The following RAB11FIP4 variants were observed in gnomAD, a reference collection of about 807,000 sequenced individuals.
RAB11FIP4 encodes rab11 family-interacting protein 4.
RAB11FIP4 carries 23 observed loss-of-function variants against 74.3 expected under a neutral mutation model. That is an observed-to-expected ratio of 0.31 (90% CI 0.22 to 0.44). The LOEUF (loss-of-function observed/expected upper bound fraction) is 0.44. RAB11FIP4 is among the 20% of genes least tolerant of loss of function. The pLI, the probability that RAB11FIP4 is intolerant of heterozygous loss-of-function variation, is 1.00. For missense variants in RAB11FIP4, 630 were observed against 863.9 expected, an observed-to-expected ratio of 0.73 and a Z score of 3.39; for synonymous variants, 360 against 359.9, an observed-to-expected ratio of 1.00 and a Z score of 0.00.
In RAB11FIP4 at chr17:31,520,380, T is replaced by C. The variant is rs555999060; in HGVS notation, c.564-786T>C. On this transcript the variant is annotated intron_variant, in intron 4 of 14. Transcript: ENST00000621161. ...AAAATTTTAGATCCATTTATATTCA[T>C]TTTCTGTATTACTCCGAATGTTTTT... is the stretch of plus-strand genomic sequence containing the variant. 7.5e-4 allele frequency among the ~76,000 whole-genome samples: 115 copies of C among 152,338 alleles called. 1 individual carries two copies. The highest frequency in any genetic ancestry group is 6.5e-4 in the Admixed American group (10 of 15,312).
Position 31,480,803 on chromosome 17 carries a change from A to C in RAB11FIP4, c.337-36848A>C, listed in dbSNP as rs562217082. 2.7e-5 allele frequency among the ~76,000 whole-genome samples: 4 copies of C among 149,492 alleles called. No individual in the cohort carries two copies. In the South Asian group the frequency reaches 8.4e-4, roughly 31 times the overall value. ...CTCCAGACTCCGTCTCAAAAAAAAA[A>C]AAAAAAAAAAAAAGAAAGAAAATAG... On this transcript the variant is annotated intron_variant, in intron 3 of 14. Transcript: ENST00000621161.
intron 3 of RAB11FIP4, among the ~76,000 whole-genome samples, chr17:31,441,719 G>T (rs1268644018): frequency 6.6e-6 from 1 of 151,656 alleles, no homozygotes; most frequent in African/African-American, 2.4e-5. Flanking sequence ...GTAGAGACGG[G>T]GTTTCACTAT....
At chr17:31,476,088 G>A (rs2071789248) in intron 3 of RAB11FIP4, among the ~76,000 whole-genome samples, 1 of 151,194 alleles carries the variant, frequency 6.6e-6, no homozygotes, top group Admixed American at 6.6e-5. Context: ...ATTTCCCCTA[G>A]GGGCAATGGT....
intron 1 of RAB11FIP4, among the ~76,000 whole-genome samples, chr17:31,420,562 C>T (rs778909830): frequency 3.3e-5 from 5 of 150,820 alleles, no homozygotes; most frequent in Non-Finnish European, 7.4e-5. Flanking sequence ...TTTGTATTCT[C>T]TCTCTCTTTC....
chr17:31,436,759 T>G (rs1450733671), intron 3 of RAB11FIP4, among the ~76,000 whole-genome samples: 1 of 147,330 alleles, frequency 6.8e-6, no homozygotes, highest in African/African-American at 2.5e-5. Flanking sequence ...TTTTGTTTTT[T>G]TTTTGTTTTT....
intron 3 of RAB11FIP4, among the ~76,000 whole-genome samples, chr17:31,517,195 G>C (rs867256362): frequency 9.7e-5 from 6 of 62,088 alleles, no homozygotes; most frequent in South Asian, 1.3e-3. Flanking sequence ...GCGGTGCGGG[G>C]GGGGGGGCGG....
intron 3 of RAB11FIP4, among the ~76,000 whole-genome samples, chr17:31,464,014 A>T (rs2071659511): frequency 6.6e-6 from 1 of 151,564 alleles, no homozygotes; most frequent in African/African-American, 2.4e-5. Context: ...GGGTTTTGCC[A>T]TGTTGGCCAG....
At chr17:31,457,716 C>T (rs2071592355) in intron 3 of RAB11FIP4, among the ~76,000 whole-genome samples, 1 of 151,912 alleles carries the variant, frequency 6.6e-6, no homozygotes, top group Non-Finnish European at 1.5e-5. Context: ...CGCAGGTGGC[C>T]ACACCCCTCC....
chr17:31,408,474 AT>A (rs1192327520), intron 1 of RAB11FIP4, among the ~76,000 whole-genome samples: 1 of 151,978 alleles, frequency 6.6e-6, no homozygotes, highest in Non-Finnish European at 1.5e-5. Context: ...TTTTCCATTG[AT>A]TTTTTTCCTA....
intron 3 of RAB11FIP4, among the ~76,000 whole-genome samples, chr17:31,497,264 T>C (rs2072134514): frequency 6.6e-6 from 1 of 151,992 alleles, no homozygotes; most frequent in Non-Finnish European, 1.5e-5. Context: ...CCTAGGAGGC[T>C]GAGGCAGGAG....
At chr17:31,450,651 C>T (rs965135821) in intron 3 of RAB11FIP4, among the ~76,000 whole-genome samples, 1 of 152,008 alleles carries the variant, frequency 6.6e-6, no homozygotes, top group African/African-American at 2.4e-5. Context: ...TCTCAGGCCT[C>T]GTCCTCACCC....
intron 3 of RAB11FIP4, among the ~76,000 whole-genome samples, chr17:31,439,009 C>T (rs1817558296): frequency 6.6e-6 from 1 of 152,162 alleles, no homozygotes; most frequent in Admixed American, 6.5e-5. Context: ...TCCTTCTGCC[C>T]CAGCCCAAAG....
In RAB11FIP4 at chr17:31,393,950, G is replaced by C. The variant is rs150848259; in HGVS notation, c.159+1939G>C. 8.5e-5 allele frequency among the ~76,000 whole-genome samples: 13 copies of C among 152,202 alleles called. No homozygotes were observed. The East Asian group carries it at 2.1e-3, about 25-fold the overall frequency. On this transcript the variant is annotated intron_variant, in intron 1 of 14. Transcript: ENST00000621161. ...CCAAGACCTCACACATATGCACACA[G>C]CTTAGGGTGGGGCTGCCTCTGAATG...
intron 3 of RAB11FIP4, chr17:31,488,263 C>A: frequency 1.7e-6 from 2 of 1,173,816 alleles, no homozygotes. Flanking sequence ...CGCCAGCTCT[C>A]GGGAGCCAGG....
chr17:31,458,086 A>G (rs945533413), intron 3 of RAB11FIP4, among the ~76,000 whole-genome samples: 1 of 152,188 alleles, frequency 6.6e-6, no homozygotes, highest in African/African-American at 2.4e-5. Flanking sequence ...TTCGCTGATG[A>G]GGAAGTTGAG....
chr17:31,468,885 G>A (rs1054823004), intron 3 of RAB11FIP4, among the ~76,000 whole-genome samples: 4 of 151,990 alleles, frequency 2.6e-5, no homozygotes, highest in Non-Finnish European at 5.9e-5. Context: ...TTAACCATGT[G>A]AACACACTGG....
In RAB11FIP4 at chr17:31,447,372, G is replaced by A. The variant is rs1191248032; in HGVS notation, c.336+13250G>A. On this transcript the variant is annotated intron_variant, in intron 3 of 14. Transcript: ENST00000621161. ...CCCAGCTACTTGGGAGGCTGAGGCA[G>A]GAGGATTGCTTAAGCCCAGGAGATT... Among the ~76,000 whole-genome samples, 12 of 152,336 alleles carry A rather than the reference G, an allele frequency of 7.9e-5. No individual in the cohort carries two copies. In the East Asian group the frequency reaches 2.3e-3, roughly 29 times the overall value.
Position 31,512,879 on chromosome 17 carries a change from C to G in RAB11FIP4, c.337-4772C>G, listed in dbSNP as rs969519287. On this transcript the variant is annotated intron_variant, in intron 3 of 14. Transcript: ENST00000621161. The surrounding 1 kb of genome is among the most constrained non-coding windows in gnomAD (Gnocchi z 4.1). ...CAGCAGGCGGGAATGGGCAGGAAAC[C>G]GGGGCTCTGAGAGGCAGTCTTGGAA... 6.6e-6 allele frequency among the ~76,000 whole-genome samples: 1 copy of G among 152,098 alleles called. No individual in the cohort carries two copies. Among genetic ancestry groups the G allele is most frequent in the African/African-American group, 2.4e-5 (1 of 41,400 alleles).
rs183427493 is a variant in RAB11FIP4 at position 31,429,606 on chromosome 17, C to T, written c.160-2207C>T. Among the ~76,000 whole-genome samples, 408 of 152,312 alleles carry T rather than the reference C, an allele frequency of 2.7e-3. 1 individual carries two copies. Among genetic ancestry groups the T allele is most frequent in the Non-Finnish European group, 4.5e-3 (305 of 68,026 alleles). ...CTTTGGGAGGCCAAGGTGGGCAGAT[C>T]ACCTGAGGTCAGGAGTTGGAGACCA... is the stretch of plus-strand genomic sequence containing the variant. On this transcript the variant is annotated intron_variant, in intron 1 of 14. Transcript: ENST00000621161.
Sources: gnomAD v4.1 joint callset for allele counts (sites outside exome capture counted in the v4.1 genomes callset) on GRCh38, gnomAD v4.1.1 for gene constraint, Gnocchi (gnomAD v3.1) non-coding constraint, MANE v1.5 for transcripts, NCBI Gene and HGNC (gene_info 2026-07-23, HGNC 2026-07-21) for gene names.